LARP4: variants seen among roughly 807,000 people sequenced by gnomAD.
LARP4 encodes la-related protein 4.
Under a neutral mutation model 92.9 loss-of-function variants are expected in LARP4, and 29 were observed. The ratio of observed to expected loss-of-function variants is 0.31; its 90% CI spans 0.23 to 0.43. The LOEUF (loss-of-function observed/expected upper bound fraction) is 0.43, where lower values mean the gene tolerates loss of function less well. Among genes scored for constraint, LARP4 ranks in the 20% least tolerant of loss-of-function variants. The pLI is 1.00. For missense variants in LARP4, 732 were observed against 860.0 expected (o/e 0.85, Z 1.86); for synonymous variants, 279 against 284.1 (o/e 0.98, Z 0.18).
chr12:50,442,211 T>A (rs974931567), intron 8 of LARP4, among the ~76,000 whole-genome samples: 1 of 152,210 alleles, frequency 6.6e-6, no homozygotes, highest in Non-Finnish European at 1.5e-5. Context: ...ATGAGATAAT[T>A]CCAGATCTCA....
intron 1 of LARP4, among the ~76,000 whole-genome samples, chr12:50,417,235 C>G (rs1946963023): frequency 6.6e-6 from 1 of 151,588 alleles, no homozygotes; most frequent in Non-Finnish European, 1.5e-5. Flanking sequence ...TGGTGACACT[C>G]CATGGTGATG....
chr12:50,436,120 GA>G (rs1190538913), intron 5 of LARP4, among the ~76,000 whole-genome samples: 1 of 135,848 alleles, frequency 7.4e-6, no homozygotes, highest in African/African-American at 2.8e-5. Flanking sequence ...GTGTGTGTGT[GA>G]TATGTGTGTG....
intron 12 of LARP4, among the ~76,000 whole-genome samples, chr12:50,465,280 G>T (rs949984575): frequency 2.0e-5 from 3 of 150,200 alleles, no homozygotes; most frequent in Non-Finnish European, 3.0e-5. Flanking sequence ...GCTGAGGCAG[G>T]AGAATCACTT....
At position 50,430,516 on chromosome 12, in the gene LARP4, C is replaced by T. The variant is rs1212210601; in HGVS notation, c.344C>T (p.Ser115Phe). The change falls in exon 4 of 16, where the codon TCT becomes TTT. Residue 115 changes from serine to phenylalanine, a missense_variant. Coordinates refer to ENST00000398473, the MANE Select transcript of LARP4 (RefSeq NM_052879.5). Reference protein sequence around the residue: ...DVSGESNSAVSTEDLKECLKK... With the variant: ...DVSGESNSAVFTEDLKECLKK... Reference sequence around the variant, plus strand: ...TCAGGAGAAAGCAATTCAGCAGTTTCTACAGAAGACCTAAAAGAATGTCTG... The same window carrying T: ...TCAGGAGAAAGCAATTCAGCAGTTTTTACAGAAGACCTAAAAGAATGTCTG... 3.1e-6 allele frequency: 5 copies of T among 1,606,568 alleles called. No individual in the cohort carries two copies. The Admixed American group carries it at 5.0e-5, about 16-fold the overall frequency.
intron 10 of LARP4, among the ~76,000 whole-genome samples, chr12:50,459,873 T>G (rs1010901825): frequency 2.1e-5 from 3 of 145,272 alleles, no homozygotes; most frequent in African/African-American, 7.8e-5. Context: ...GTGTGATGGC[T>G]CATGCCTGTA....
rs145036648 is a variant in LARP4, at chr12:50,422,781, ATATTATTATTATTATTATTAT to A, written c.19-4949_19-4929del. On this transcript the variant is annotated intron_variant, in intron 1 of 15. Transcript: ENST00000398473. ...CCAACTCTATGCCAGTTGGGAAATT[ATATTATTATTATTATTATTAT>A]TATTATTATTATTATTATTATTATT... Among the ~76,000 whole-genome samples, 918 of 138,598 alleles carry A rather than the reference ATATTATTATTATTATTATTAT, an allele frequency of 6.6e-3. 8 individuals are homozygous for A. Among genetic ancestry groups the A allele is most frequent in the African/African-American group, 0.022 (859 of 38,278 alleles). 90.9% of individuals were successfully genotyped at this position (138,598 alleles called of 152,430 possible). A position where few individuals can be genotyped will look rare whatever the true frequency, so the allele number is the denominator to read the frequency against.
chr12:50,434,636 A>G (rs949355338), intron 4 of LARP4, among the ~76,000 whole-genome samples: 2 of 149,620 alleles, frequency 1.3e-5, no homozygotes, highest in Non-Finnish European at 3.0e-5. Flanking sequence ...TGAGCTCTTG[A>G]CCTCTAATGA....
At chr12:50,440,678 T>C in intron 7 of LARP4, 129 bp downstream of exon 7, 1 of 596,466 alleles carries the variant, frequency 1.7e-6, no homozygotes, top group Non-Finnish European at 3.0e-6. Context: ...GTCACCCTTT[T>C]GCTTTTGCTC....
chr12:50,415,001 G>A (rs1377127182), intron 1 of LARP4, among the ~76,000 whole-genome samples: 1 of 152,048 alleles, frequency 6.6e-6, no homozygotes, highest in Non-Finnish European at 1.5e-5. Flanking sequence ...TCAGGAGTTC[G>A]AGACCAGCCT....
chr12:50,403,428 T>C (rs1349413296), intron 1 of LARP4, among the ~76,000 whole-genome samples: 1 of 152,270 alleles, frequency 6.6e-6, no homozygotes, highest in Non-Finnish European at 1.5e-5. Flanking sequence ...TCTTGAAATA[T>C]TTATGCTCAT....
chr12:50,404,529 CG>C (rs568715288), intron 1 of LARP4, among the ~76,000 whole-genome samples: 176 of 152,012 alleles, frequency 1.2e-3, no homozygotes, highest in African/African-American at 4.1e-3. Context: ...CATTCCAGGC[CG>C]GGTGACAGAG....
At chr12:50,442,980 T>C (rs987697579) in intron 8 of LARP4, among the ~76,000 whole-genome samples, 1 of 152,190 alleles carries the variant, frequency 6.6e-6, no homozygotes, top group African/African-American at 2.4e-5. Flanking sequence ...CTTTTATCTT[T>C]CCCTGCTTTG....
chr12:50,462,459 A>G (rs1019244192), intron 11 of LARP4, 123 bp from the exon 12 acceptor site: 1 of 637,934 alleles, frequency 1.6e-6, no homozygotes, highest in African/African-American at 2.1e-5. Context: ...GCCTGGCGAC[A>G]GAGCGAGACT....
chr12:50,404,689 T>G (rs1265817331), intron 1 of LARP4, among the ~76,000 whole-genome samples: 1 of 144,474 alleles, frequency 6.9e-6, no homozygotes, highest in Non-Finnish European at 1.5e-5. Context: ...CAGTTTTTTT[T>G]TTTTTTTTTT....
chr12:50,446,352 T>C (rs1264558835), intron 8 of LARP4, among the ~76,000 whole-genome samples: 2 of 282 alleles, frequency 7.1e-3, no homozygotes, highest in Non-Finnish European at 0.018. Context: ...CCTCTCTCTC[T>C]CTCTCTCTCT....
chr12:50,474,866 T>C (rs1957375693), intron 15 of LARP4, among the ~76,000 whole-genome samples: 1 of 152,342 alleles, frequency 6.6e-6, no homozygotes, highest in East Asian at 1.9e-4. Flanking sequence ...TATAGTTATA[T>C]AATTGGGAAA....
chr12:50,441,634 G>A lies in LARP4; in HGVS notation c.795G>A (p.Lys265=), dbSNP rs1951217709. Residue 265 remains lysine (K), a synonymous_variant, in exon 8 of 16, where the codon AAG becomes AAA. Transcript: ENST00000398473. ...LREEVKTFQG[K]PIMARIKAIN... ...AAGAAGTTAAAACATTTCAGGGCAA[G>A]CCAATTATGGTAAGAAATAGAGATC... 6.2e-7 allele frequency: 1 copy of A among 1,600,460 alleles called. No individual in the cohort carries two copies. The highest frequency in any genetic ancestry group is 8.5e-7 in the Non-Finnish European group (1 of 1,174,636).
In LARP4 at chr12:50,427,997, T is replaced by TTG. The variant is rs1282187515; in HGVS notation, c.166+89_166+90insGT. 2.0e-5 allele frequency: 16 copies of TTG among 801,902 alleles called. No homozygotes were observed. The African/African-American group carries it at 2.7e-4, about 14-fold the overall frequency. The allele number at this position is 801,902 out of a possible 1,614,324, so 49.7% of individuals were successfully genotyped here. A position where few individuals can be genotyped will look rare whatever the true frequency, so the allele number is the denominator to read the frequency against. On this transcript the variant is annotated intron_variant, in intron 2 of 15. Transcript: ENST00000398473. The stretch of plus-strand genomic sequence containing the variant: ...TACTGAACTTGAGACACATCTCTTT[T>TTG]TTTTTTTTTTTTTTTTGAGACAGAG...
At chr12:50,416,518 A>C (rs900893552) in intron 1 of LARP4, 1 of 152,270 alleles carries the variant, frequency 6.6e-6, no homozygotes, top group African/African-American at 2.4e-5. Context: ...AACAAAAACA[A>C]AAACAAAAAC....
Sources: allele counts gnomAD v4.1 joint callset (sites outside exome capture counted in the v4.1 genomes callset), GRCh38; gene constraint gnomAD v4.1.1; transcripts MANE v1.5; gene names NCBI Gene and HGNC (gene_info 2026-07-23, HGNC 2026-07-21).